Variants in ZDHHC14 observed in about 807,000 individuals in gnomAD.
ZDHHC14 encodes the protein zDHHC palmitoyltransferase 14.
Under a neutral mutation model 47.7 loss-of-function variants are expected in ZDHHC14, and 16 were observed. The ratio of observed to expected loss-of-function variants is 0.34; its 90% CI spans 0.23 to 0.51. ZDHHC14 has a LOEUF of 0.51. Ranked by LOEUF, ZDHHC14 falls within the 20% of genes least tolerant of loss-of-function variation. The pLI, the probability that ZDHHC14 is intolerant of heterozygous loss-of-function variation, is 0.97. For missense variants in ZDHHC14, 515 were observed against 662.5 expected (o/e 0.78, Z 2.44); for synonymous variants, 293 against 278.9 (o/e 1.05, Z -0.50).
In ZDHHC14 at chr6:157,597,549, A is replaced by G. The variant is rs1505562; in HGVS notation, c.565+4403A>G. ...GACAGTAAGATGAAACACTGCCAGC[A>G]TTTTTGCAAACCGGTTATACAAGAG... On this transcript the variant is annotated intron_variant, in intron 3 of 8. Transcript: ENST00000359775. Among the ~76,000 whole-genome samples the G allele has an allele frequency of 9.2e-3, 1,400 of 152,378 alleles. 33 individuals carry two copies. Among genetic ancestry groups the G allele is most frequent in the African/African-American group, 0.032 (1,340 of 41,592 alleles).
At chr6:157,625,371 C>A (rs1036214055) in intron 3 of ZDHHC14, among the ~76,000 whole-genome samples, 1 of 152,068 alleles carries the variant, frequency 6.6e-6, no homozygotes, top group Non-Finnish European at 1.5e-5. Context: ...CTCTCCAGGA[C>A]AAGTCAAGTC....
intron 1 of ZDHHC14, among the ~76,000 whole-genome samples, chr6:157,438,934 C>A (rs551037777): frequency 2.2e-4 from 34 of 152,210 alleles, no homozygotes; most frequent in Middle Eastern, 3.4e-3. Flanking sequence ...GTAGAGAGTG[C>A]CAAGAACTGA....
intron 2 of ZDHHC14, among the ~76,000 whole-genome samples, chr6:157,567,456 C>T (rs1782945264): frequency 6.6e-6 from 1 of 152,110 alleles, no homozygotes; most frequent in Non-Finnish European, 1.5e-5. Flanking sequence ...TGGGCATGCT[C>T]AGGTTATGTG....
chr6:157,504,780 C>T (rs1482570650), intron 1 of ZDHHC14, among the ~76,000 whole-genome samples: 2 of 126,568 alleles, frequency 1.6e-5, no homozygotes, highest in African/African-American at 6.0e-5. Flanking sequence ...AGTAAAATAC[C>T]ATGTGTTTTG....
intron 2 of ZDHHC14, among the ~76,000 whole-genome samples, chr6:157,558,411 G>A (rs774854300): frequency 6.6e-5 from 10 of 152,158 alleles, no homozygotes; most frequent in African/African-American, 1.9e-4. Context: ...CACCCAGAGC[G>A]CCCACAGGTA....
chr6:157,545,005 T>A lies in ZDHHC14; in HGVS notation c.406+2260T>A, dbSNP rs982674447. Among the ~76,000 whole-genome samples the A allele has an allele frequency of 2.6e-5, 4 of 152,294 alleles. No homozygotes were observed. The East Asian group carries it at 7.7e-4, about 29-fold the overall frequency. On this transcript the variant is annotated intron_variant, in intron 2 of 8. Coordinates refer to ENST00000359775, the MANE Select transcript of ZDHHC14 (RefSeq NM_024630.3). ...TCCATATGTGGTATATCCATACAAT[T>A]GGATTCCATGAAGCAATAAAAGGGA...
intron 4 of ZDHHC14, among the ~76,000 whole-genome samples, chr6:157,628,924 T>A (rs1785549737): frequency 6.6e-6 from 1 of 152,212 alleles, no homozygotes; most frequent in African/African-American, 2.4e-5. Context: ...GATAATCTCC[T>A]TATGTAAGAA....
intron 1 of ZDHHC14, among the ~76,000 whole-genome samples, chr6:157,383,397 G>C (rs1170691098): frequency 6.6e-6 from 1 of 152,142 alleles, no homozygotes; most frequent in African/African-American, 2.4e-5. Context: ...CTCCTGTTGG[G>C]TAGGCTCAAT....
intron 1 of ZDHHC14, among the ~76,000 whole-genome samples, chr6:157,510,115 A>C (rs1780425549): frequency 6.6e-6 from 1 of 152,192 alleles, no homozygotes; most frequent in Admixed American, 6.5e-5. Flanking sequence ...CATGATGGCC[A>C]GGCCTGTAAT....
intron 1 of ZDHHC14, among the ~76,000 whole-genome samples, chr6:157,452,271 C>T (rs1382417563): frequency 3.1e-4 from 47 of 151,130 alleles, no homozygotes; most frequent in East Asian, 1.9e-4. Flanking sequence ...TAACTAGACT[C>T]ACTTGAAAAG....
At position 157,430,257 on chromosome 6, in the gene ZDHHC14, A is replaced by T. The variant is rs950297621; in HGVS notation, c.245+47991A>T. Among the ~76,000 whole-genome samples, 4 of 147,220 alleles carry T rather than the reference A, an allele frequency of 2.7e-5. No homozygotes were observed. The South Asian group carries it at 8.8e-4, about 33-fold the overall frequency. On this transcript the variant is annotated intron_variant, in intron 1 of 8. Transcript: ENST00000359775. ...CTCAAACCTGGGAGGTGGAGGTTGC[A>T]GTGAGCCGACAGTGTGACACTGTAC...
intron 1 of ZDHHC14, among the ~76,000 whole-genome samples, chr6:157,487,800 C>T (rs540597882): frequency 2.0e-5 from 3 of 152,312 alleles, no homozygotes; most frequent in African/African-American, 7.2e-5. Flanking sequence ...GCAGCCTCGG[C>T]AGCCTCATGA....
At chr6:157,522,596 G>C (rs1424601502) in intron 1 of ZDHHC14, among the ~76,000 whole-genome samples, 2 of 151,430 alleles carry the variant, frequency 1.3e-5, no homozygotes, top group Non-Finnish European at 2.9e-5. Context: ...GGTATGGGTT[G>C]GTCCCCAAAA....
chr6:157,553,627 G>T (rs1001685893), intron 2 of ZDHHC14, among the ~76,000 whole-genome samples: 1 of 151,658 alleles, frequency 6.6e-6, no homozygotes, highest in Non-Finnish European at 1.5e-5. Flanking sequence ...AGACTCGTAT[G>T]CTGGGGGGTG....
At chr6:157,555,772 G>A (rs1323399371) in intron 2 of ZDHHC14, among the ~76,000 whole-genome samples, 1 of 152,112 alleles carries the variant, frequency 6.6e-6, no homozygotes, top group East Asian at 1.9e-4. Context: ...TGTATTGCAG[G>A]GTATTGAGCA....
chr6:157,525,239 C>T (rs966745787), intron 1 of ZDHHC14, among the ~76,000 whole-genome samples: 2 of 152,190 alleles, frequency 1.3e-5, no homozygotes, highest in Non-Finnish European at 2.9e-5. Flanking sequence ...TAACTCACTG[C>T]AACCTTGAAC....
chr6:157,610,795 T>G (rs1232621329), intron 3 of ZDHHC14, among the ~76,000 whole-genome samples: 2 of 152,160 alleles, frequency 1.3e-5, no homozygotes, highest in Non-Finnish European at 2.9e-5. Flanking sequence ...GGGCCAGCAT[T>G]CTCTCACCAG....
At chr6:157,516,573 G>C (rs1346067583) in intron 1 of ZDHHC14, among the ~76,000 whole-genome samples, 1 of 152,158 alleles carries the variant, frequency 6.6e-6, no homozygotes, top group African/African-American at 2.4e-5. Flanking sequence ...TCTTCATGAG[G>C]GACTGGAGCC....
intron 1 of ZDHHC14, among the ~76,000 whole-genome samples, chr6:157,486,482 A>T (rs1007456830): frequency 2.0e-5 from 3 of 152,248 alleles, no homozygotes; most frequent in Non-Finnish European, 1.5e-5. Flanking sequence ...TTCTGTGTGT[A>T]TGTTTTTAAT....
Sources: allele counts gnomAD v4.1 joint callset (sites outside exome capture counted in the v4.1 genomes callset), GRCh38; gene constraint gnomAD v4.1.1; transcripts MANE v1.5; gene names NCBI Gene and HGNC (gene_info 2026-07-23, HGNC 2026-07-21).